NHSL2: variants seen among roughly 807,000 people sequenced by gnomAD.
The protein encoded by NHSL2 is NHS like 2, also known as NHS-like protein 2.
A neutral mutation model predicts 53.4 loss-of-function variants in NHSL2; 27 were observed. The ratio of observed to expected loss-of-function variants is 0.51; its 90% CI spans 0.37 to 0.70. The LOEUF (loss-of-function observed/expected upper bound fraction) is 0.70, where lower values mean the gene tolerates loss of function less well. Ranked by LOEUF, NHSL2 falls within the 30% of genes least tolerant of loss-of-function variation. NHSL2 has a pLI of 0.00. For missense variants in NHSL2, 892 were observed against 980.1 expected (o/e 0.91, Z 1.20); for synonymous variants, 408 against 404.1 (o/e 1.01, Z -0.12).
chrX:72,066,129 C>T (rs2042427799), intron 1 of NHSL2, among the ~76,000 whole-genome samples: 1 of 111,256 alleles, frequency 9.0e-6, no homozygotes. Flanking sequence ...AGAAGATATT[C>T]ATTGAAGGGG....
chrX:72,083,224 C>T (rs2041807715), intron 1 of NHSL2, among the ~76,000 whole-genome samples: 1 of 112,722 alleles, frequency 8.9e-6, no homozygotes, highest in African/African-American at 3.2e-5. Flanking sequence ...GCAATGGCTC[C>T]AGAGCCAATG....
At chrX:72,009,711 T>C (rs2042108353) in intron 1 of NHSL2, among the ~76,000 whole-genome samples, 1 of 112,798 alleles carries the variant, frequency 8.9e-6, no homozygotes, top group Admixed American at 9.3e-5. Flanking sequence ...ACTTTATTTA[T>C]TTCCCTTGCC....
intron 1 of NHSL2, among the ~76,000 whole-genome samples, chrX:72,083,516 C>T (rs2041809947): frequency 8.9e-6 from 1 of 112,181 alleles, no homozygotes. Flanking sequence ...CTAGAGCAGG[C>T]CTCAGGCTCA....
At chrX:71,912,738 T>C (rs1272873406) in intron 1 of NHSL2, among the ~76,000 whole-genome samples, 2 of 112,395 alleles carry the variant, frequency 1.8e-5, no homozygotes, top group East Asian at 5.6e-4. Context: ...AGTTTTTTGC[T>C]GGGGTCCCAC....
At position 72,140,175 on chromosome X, in the gene NHSL2, C is replaced by T. The variant is rs768019850; in HGVS notation, c.2627C>T (p.Pro876Leu). ...KTKPPVAEKP[P>L]VARRPPSLVH... ...AAACCTCCCGTAGCTGAGAAGCCTC[C>T]GGTGGCCCGGAGGCCTCCAAGCTTG... The change falls in exon 6 of 8, where the codon CCG becomes CTG. Residue 876 changes from proline (P) to leucine (L), a missense_variant. By Grantham distance (98) the Pro-to-Leu change is moderately conservative. Transcript: ENST00000633930. 33 of 1,208,690 alleles carry T rather than the reference C, an allele frequency of 2.7e-5. No homozygotes were observed. The African/African-American group carries it at 2.8e-4, about 10-fold the overall frequency.
At chrX:72,029,576 G>A (rs902081408) in intron 1 of NHSL2, among the ~76,000 whole-genome samples, 1 of 112,735 alleles carries the variant, frequency 8.9e-6, no homozygotes, top group Non-Finnish European at 1.9e-5. Context: ...CCTCAGGAAG[G>A]GATACCTCCA....
chrX:71,939,274 A>G (rs1354497880), intron 1 of NHSL2, among the ~76,000 whole-genome samples: 1 of 111,757 alleles, frequency 8.9e-6, no homozygotes, highest in Non-Finnish European at 1.9e-5. Context: ...AAGCCATGTT[A>G]AGGGGCTTGG....
chrX:71,983,971 G>T (rs754980619), intron 1 of NHSL2, among the ~76,000 whole-genome samples: 3 of 111,477 alleles, frequency 2.7e-5, no homozygotes, highest in East Asian at 5.6e-4. Context: ...GACTAAGAAG[G>T]CCTAACTTAC....
At chrX:72,114,343 G>A (rs1048995898) in intron 1 of NHSL2, among the ~76,000 whole-genome samples, 3 of 112,091 alleles carry the variant, frequency 2.7e-5, no homozygotes, top group Non-Finnish European at 5.6e-5. Flanking sequence ...GGTAGCAGCG[G>A]CCTCCTCTCT....
rs757623930 is a variant in NHSL2 at position 71,925,682 on chromosome X, T to TA, written c.280+14316dup. Among the ~76,000 whole-genome samples the TA allele has an allele frequency of 7.3e-4, 82 of 112,321 alleles. No individual in the cohort carries two copies. In the East Asian group the frequency reaches 0.022, roughly 30 times the overall value. On this transcript the variant is annotated intron_variant, in intron 1 of 7. Transcript: ENST00000633930. ...GGACAAAAACCCATGTTTTTATTGT[T>TA]ATCTTTAAGAGCTTTCTGTGTGCCT...
chrX:71,963,798 C>T (rs2041879102), intron 1 of NHSL2, among the ~76,000 whole-genome samples: 1 of 103,225 alleles, frequency 9.7e-6, no homozygotes, highest in African/African-American at 3.5e-5. Flanking sequence ...TTGCACACTC[C>T]TATAGTCCAA....
chrX:71,968,810 T>A (rs2041912396), intron 1 of NHSL2, among the ~76,000 whole-genome samples: 1 of 112,536 alleles, frequency 8.9e-6, no homozygotes, highest in African/African-American at 3.2e-5. Context: ...ATTATCTTGA[T>A]ATCTTTGTCA....
intron 1 of NHSL2, among the ~76,000 whole-genome samples, chrX:72,109,747 A>G (rs1335093395): frequency 9.0e-6 from 1 of 111,728 alleles, no homozygotes; most frequent in Non-Finnish European, 1.9e-5. Flanking sequence ...GATTACAGGC[A>G]TGAGCCACCT....
intron 1 of NHSL2, among the ~76,000 whole-genome samples, chrX:71,943,108 C>G (rs1422418276): frequency 9.1e-6 from 1 of 110,461 alleles, no homozygotes; most frequent in Non-Finnish European, 1.9e-5. Flanking sequence ...TTCAGAGTCT[C>G]TCTCTCCCTC....
intron 1 of NHSL2, among the ~76,000 whole-genome samples, chrX:72,125,050 C>T (rs769969910): frequency 4.5e-4 from 36 of 79,967 alleles, no homozygotes; most frequent in African/African-American, 1.2e-3. Context: ...AAAGCATTGG[C>T]GCATCTGACA....
chrX:72,114,341 C>T (rs753737727), intron 1 of NHSL2, among the ~76,000 whole-genome samples: 146 of 112,111 alleles, frequency 1.3e-3, no homozygotes, highest in Non-Finnish European at 2.2e-3. Flanking sequence ...AAGGTAGCAG[C>T]GGCCTCCTCT....
chrX:72,094,738 A>G (rs959859650), intron 1 of NHSL2, among the ~76,000 whole-genome samples: 2 of 111,509 alleles, frequency 1.8e-5, no homozygotes, highest in Admixed American at 9.5e-5. Flanking sequence ...TCCAGGCCCA[A>G]GAGAATGATA....
chrX:72,031,944 G>A (rs1193618760), intron 1 of NHSL2, among the ~76,000 whole-genome samples: 2 of 111,565 alleles, frequency 1.8e-5, no homozygotes, highest in South Asian at 3.7e-4. Flanking sequence ...GGTACAATCC[G>A]CAGAGCGTAT....
intron 1 of NHSL2, among the ~76,000 whole-genome samples, chrX:72,103,888 G>A (rs992704121): frequency 7.1e-5 from 8 of 112,619 alleles, no homozygotes; most frequent in African/African-American, 2.6e-4. Context: ...CCCAGTGCCC[G>A]AGTACCAGTT....
Sources: allele counts gnomAD v4.1 joint callset (sites outside exome capture counted in the v4.1 genomes callset), GRCh38; gene constraint gnomAD v4.1.1; transcripts MANE v1.5; gene names NCBI Gene and HGNC (gene_info 2026-07-23, HGNC 2026-07-21).